The following RNF5 variants were observed in gnomAD, a reference collection of about 807,000 sequenced individuals.
RNF5 encodes ring finger protein 5.
A neutral mutation model predicts 24.4 loss-of-function variants in RNF5; 16 were observed. That is an observed-to-expected ratio of 0.66 (90% CI 0.44 to 1.00). RNF5 has a LOEUF of 1.00. Ranked by LOEUF, RNF5 falls within the 50% of genes least tolerant of loss-of-function variation. The pLI is 0.00. For synonymous variants in RNF5, 64 were observed against 88.5 expected (o/e 0.72, Z 1.55); for missense variants, 185 against 236.7 (o/e 0.78, Z 1.43).
Position 32,179,985 on chromosome 6 carries a change from G to T in RNF5, c.328-24G>T, listed in dbSNP as rs756010995. On this transcript the variant is annotated intron_variant, in intron 4 of 5. Transcript: ENST00000375094. The surrounding 1 kb of genome is among the most constrained non-coding windows in gnomAD (Gnocchi z 5.4). ...TCCTTGACAGATTTGCCGGCTTCCT[G>T]TCTGACTTTTTCTGCCTCCCTAGGG... The T allele has an allele frequency of 1.2e-6, 2 of 1,614,022 alleles. No homozygotes were observed. Among genetic ancestry groups the T allele is most frequent in the African/African-American group, 2.7e-5 (2 of 74,926 alleles).
chr6:32,178,652 G>C lies in RNF5; in HGVS notation c.140+1G>C, dbSNP rs1785808468. The C allele has an allele frequency of 1.2e-6, 2 of 1,610,326 alleles. No homozygotes were observed. Among genetic ancestry groups the C allele is most frequent in the South Asian group, 1.1e-5 (1 of 91,026 alleles). On this transcript the variant is annotated splice_donor_variant, in intron 1 of 5. Transcript: ENST00000375094. LOFTEE classifies it high-confidence loss of function. ...TCAGTGTGTGTGGCCACCTGTACTGGTGAGAATCGAGGAGGGGGGCGGGAG... is the reference window on the plus strand; with the variant it reads ...TCAGTGTGTGTGGCCACCTGTACTGCTGAGAATCGAGGAGGGGGGCGGGAG...
In RNF5 at chr6:32,179,467, C is replaced by A. The variant is rs1415743946; in HGVS notation, c.141-74C>A. 2.5e-6 allele frequency: 4 copies of A among 1,584,374 alleles called. No homozygotes were observed. In the Admixed American group the frequency reaches 5.1e-5, roughly 20 times the overall value. On this transcript the variant is annotated intron_variant, in intron 1 of 5. Transcript: ENST00000375094. This position sits in a 1 kb window ranked among gnomAD's most constrained non-coding sequence, Gnocchi z 5.4. ...TTGGGAAGAGGGGTTAGATGGGATT[C>A]TGCGAAGTCTAGGGTCTGTGTCTCT...
Position 32,179,140 on chromosome 6 carries a change from T to G in RNF5, c.141-401T>G, listed in dbSNP as rs1334552885. Reference sequence around the variant, plus strand: ...ATAAAGATAGGGACATTATTGAGCTTGAAAGTGAGTAATGGGGGAATGTGC... The same window carrying G: ...ATAAAGATAGGGACATTATTGAGCTGGAAAGTGAGTAATGGGGGAATGTGC... On this transcript the variant is annotated intron_variant, in intron 1 of 5. Coordinates refer to ENST00000375094, the MANE Select transcript of RNF5 (RefSeq NM_006913.4). This position sits in a 1 kb window ranked among gnomAD's most constrained non-coding sequence, Gnocchi z 5.4. 2.0e-5 allele frequency among the ~76,000 whole-genome samples: 3 copies of G among 151,860 alleles called. No individual in the cohort carries two copies. Among genetic ancestry groups the G allele is most frequent in the African/African-American group, 7.3e-5 (3 of 41,296 alleles).
rs775742093 is a variant in RNF5 at position 32,179,539 on chromosome 6, A to G, written c.141-2A>G. 2.5e-6 allele frequency: 4 copies of G among 1,607,554 alleles called. No homozygotes were observed. The highest frequency in any genetic ancestry group is 1.4e-5 in the African/African-American group (1 of 72,896). On this transcript the variant is annotated splice_acceptor_variant, in intron 1 of 5. Coordinates refer to ENST00000375094, the MANE Select transcript of RNF5 (RefSeq NM_006913.4). LOFTEE classifies it high-confidence loss of function. The surrounding 1 kb of genome is among the most constrained non-coding windows in gnomAD (Gnocchi z 5.4). ...CTTTTTTTTTTTTTCTCCCCCATCC[A>G]GTTGGCCATGTCTTCATCAGGTGCG...
Position 32,179,836 on chromosome 6 carries a change from G to A in RNF5, c.273-41G>A. 3 of 1,613,598 alleles carry A rather than the reference G, an allele frequency of 1.9e-6. No individual in the cohort carries two copies. The East Asian group carries it at 6.7e-5, about 36-fold the overall frequency. ...TTGGAAAACGGTGTGGAAGATGGGA[G>A]GAGAAAAATCCCTGTTAACTTTCTC... is the stretch of plus-strand genomic sequence containing the variant. On this transcript the variant is annotated intron_variant, in intron 3 of 5. Transcript: ENST00000375094. This position sits in a 1 kb window ranked among gnomAD's most constrained non-coding sequence, Gnocchi z 5.4.
intron 1 of RNF5, among the ~76,000 whole-genome samples, chr6:32,178,995 G>C (rs1325739542): frequency 2.0e-5 from 3 of 152,144 alleles, no homozygotes; most frequent in Non-Finnish European, 4.4e-5. Context: ...AAAGGTTAAG[G>C]GAGGCACGCA....
At position 32,178,430 on chromosome 6, in the gene RNF5, G is replaced by C. The variant is rs1252371768; in HGVS notation, c.-82G>C. ...GAAGCCTGCCCAACGATCGTGGGCA[G>C]GAGGTGGTTTCTGGTTTGTTGGGGC... On this transcript the variant is annotated 5_prime_UTR_variant, in exon 1 of 6. Transcript: ENST00000375094. 2.5e-6 allele frequency: 3 copies of C among 1,188,206 alleles called. No individual in the cohort carries two copies. The highest frequency in any genetic ancestry group is 3.5e-6 in the Non-Finnish European group (3 of 861,300). 73.6% of individuals were successfully genotyped at this position (1,188,206 alleles called of 1,614,324 possible).
At position 32,179,938 on chromosome 6, in the gene RNF5, C is replaced by G. The variant is rs1380482751; in HGVS notation, c.327+7C>G. The G allele has an allele frequency of 1.2e-6, 2 of 1,614,088 alleles. No homozygotes were observed. Among genetic ancestry groups the G allele is most frequent in the African/African-American group, 2.7e-5 (2 of 74,928 alleles). On this transcript the variant is annotated splice_region_variant and intron_variant, in intron 4 of 5. Coordinates refer to ENST00000375094, the MANE Select transcript of RNF5 (RefSeq NM_006913.4). This position sits in a 1 kb window ranked among gnomAD's most constrained non-coding sequence, Gnocchi z 5.4. The stretch of plus-strand genomic sequence containing the variant: ...AGCTCCGGAGAGCAGAGGGGTGAGT[C>G]TTCTTGTCCAGTTGTGTCCCTTCCT...
In RNF5 at chr6:32,179,529, T is replaced by A; in HGVS notation, c.141-12T>A. 1 of 1,611,384 alleles carries A rather than the reference T, an allele frequency of 6.2e-7. No homozygotes were observed. Among genetic ancestry groups the A allele is most frequent in the Non-Finnish European group, 8.5e-7 (1 of 1,178,652 alleles). On this transcript the variant is annotated splice_polypyrimidine_tract_variant and intron_variant, in intron 1 of 5. Coordinates refer to ENST00000375094, the MANE Select transcript of RNF5 (RefSeq NM_006913.4). This position sits in a 1 kb window ranked among gnomAD's most constrained non-coding sequence, Gnocchi z 5.4. ...CTAGTTTGACCTTTTTTTTTTTTTC[T>A]CCCCCATCCAGTTGGCCATGTCTTC... is the stretch of plus-strand genomic sequence containing the variant.
Position 32,179,751 on chromosome 6 carries a change from C to T in RNF5, c.260C>T (p.Pro87Leu). 4 of 1,613,984 alleles carry T rather than the reference C, an allele frequency of 2.5e-6. No individual in the cohort carries two copies. The highest frequency in any genetic ancestry group is 3.4e-6 in the Non-Finnish European group (4 of 1,179,900). The change falls in exon 3 of 6, where the codon CCC (proline) becomes CTC (leucine). Residue 87 changes from proline (P) to leucine (L), a missense_variant. Transcript: ENST00000375094. This position sits in a 1 kb window ranked among gnomAD's most constrained non-coding sequence, Gnocchi z 5.4. ...VPLYGRGSQK[P>L]QDPRLKTPPR... The stretch of plus-strand genomic sequence containing the variant: ...CTTTATGGGCGAGGGAGCCAGAAGC[C>T]CCAGGATCCCAGGTGAGAGACTGGA...
At position 32,180,215 on chromosome 6, in the gene RNF5, C is replaced by T. The variant is rs375190667; in HGVS notation, c.446-14C>T. The T allele has an allele frequency of 3.4e-5, 55 of 1,612,320 alleles. No individual in the cohort carries two copies. The African/African-American group carries it at 6.1e-4, about 18-fold the overall frequency. ...TAGGAGCATATGCTTCCACAGCTTT[C>T]CTCTCTCCCACAGGTGTGGATCTGG... On this transcript the variant is annotated splice_polypyrimidine_tract_variant and intron_variant, in intron 5 of 5. Coordinates refer to ENST00000375094, the MANE Select transcript of RNF5 (RefSeq NM_006913.4).
rs2127429898 is a variant in RNF5, at chr6:32,179,844, A to T, written c.273-33A>T. 1 of 1,613,864 alleles carries T rather than the reference A, an allele frequency of 6.2e-7. No individual in the cohort carries two copies. The highest frequency in any genetic ancestry group is 8.5e-7 in the Non-Finnish European group (1 of 1,179,870). Reference sequence around the variant, plus strand: ...CGGTGTGGAAGATGGGAGGAGAAAAATCCCTGTTAACTTTCTCTCTCCACT... The same window carrying T: ...CGGTGTGGAAGATGGGAGGAGAAAATTCCCTGTTAACTTTCTCTCTCCACT... On this transcript the variant is annotated intron_variant, in intron 3 of 5. Coordinates refer to ENST00000375094, the MANE Select transcript of RNF5 (RefSeq NM_006913.4). The surrounding 1 kb of genome is among the most constrained non-coding windows in gnomAD (Gnocchi z 5.4).
At chr6:32,178,810 G>C (rs1399893313) in intron 1 of RNF5, among the ~76,000 whole-genome samples, 159 bp downstream of exon 1, 1 of 152,174 alleles carries the variant, frequency 6.6e-6, no homozygotes, top group Non-Finnish European at 1.5e-5. Context: ...GTGTGGGTGG[G>C]AGTATAACGG....
In RNF5 at chr6:32,179,760, C is replaced by G; in HGVS notation, c.269C>G (p.Pro90Arg). 1 of 1,613,950 alleles carries G rather than the reference C, an allele frequency of 6.2e-7. No individual in the cohort carries two copies. Among genetic ancestry groups the G allele is most frequent in the South Asian group, 1.1e-5 (1 of 91,090 alleles). The change falls in exon 3 of 6, where the codon CCC becomes CGC. Residue 90 changes from proline (P) to arginine (R), a missense_variant. Transcript: ENST00000375094. The surrounding 1 kb of genome is among the most constrained non-coding windows in gnomAD (Gnocchi z 5.4). ...YGRGSQKPQDPRLKTPPRPQG... is the reference protein window; with the variant it reads ...YGRGSQKPQDRRLKTPPRPQG... ...CGAGGGAGCCAGAAGCCCCAGGATC[C>G]CAGGTGAGAGACTGGAGGTGTTGCT...
At chr6:32,180,197 A>T (rs759497584) in intron 5 of RNF5, 32 bp from the exon 6 acceptor site, 3 of 1,611,404 alleles carry the variant, frequency 1.9e-6, no homozygotes, top group East Asian at 4.5e-5. Context: ...GCCTAGGAGC[A>T]TATGCTTCCA....
Position 32,178,637 on chromosome 6 carries a change from T to C in RNF5, c.126T>C (p.Cys42=), listed in dbSNP as rs1785806307. 1.2e-6 allele frequency: 2 copies of C among 1,608,804 alleles called. No individual in the cohort carries two copies. The highest frequency in any genetic ancestry group is 2.7e-5 in the African/African-American group (2 of 74,630). The part of the protein sequence containing the change: ...ETAREAVVSV[C]GHLYCWPCLH... ...CTCGGGAAGCTGTGGTCAGTGTGTG[T>C]GGCCACCTGTACTGGTGAGAATCGA... Residue 42 remains cysteine (C), a synonymous_variant, in exon 1 of 6, where the codon TGT becomes TGC. Coordinates refer to ENST00000375094, the MANE Select transcript of RNF5 (RefSeq NM_006913.4).
Position 32,179,918 on chromosome 6 carries a change from C to G in RNF5, c.314C>G (p.Pro105Arg), listed in dbSNP as rs200253127. The G allele has an allele frequency of 6.2e-7, 1 of 1,614,086 alleles. No homozygotes were observed. Among genetic ancestry groups the G allele is most frequent in the Admixed American group, 1.7e-5 (1 of 60,006 alleles). ...PPRPQGQRPA[P>R]ESRGGFQPFG... ...CGCCCCCAGGGCCAGAGACCAGCTC[C>G]GGAGAGCAGAGGGGTGAGTCTTCTT... Residue 105 changes from proline to arginine, a missense_variant, in exon 4 of 6, where the codon CCG becomes CGG. Coordinates refer to ENST00000375094, the MANE Select transcript of RNF5 (RefSeq NM_006913.4). This position sits in a 1 kb window ranked among gnomAD's most constrained non-coding sequence, Gnocchi z 5.4.
rs1334937359 is a variant in RNF5, at chr6:32,179,740, G to A, written c.249G>A (p.Gly83=). 6.2e-7 allele frequency: 1 copy of A among 1,614,160 alleles called. No individual in the cohort carries two copies. The change falls in exon 3 of 6, where the codon GGG becomes GGA. Residue 83 remains glycine (G), a synonymous_variant. Coordinates refer to ENST00000375094, the MANE Select transcript of RNF5 (RefSeq NM_006913.4). This position sits in a 1 kb window ranked among gnomAD's most constrained non-coding sequence, Gnocchi z 5.4. ...REKVVPLYGR[G]SQKPQDPRLK... ...AGGTTGTCCCGCTTTATGGGCGAGG[G>A]AGCCAGAAGCCCCAGGATCCCAGGT...
In RNF5 at chr6:32,179,612, A is replaced by G. The variant is rs1302201473; in HGVS notation, c.160-39A>G. ...ATGGGGAGGTCTGAGGAGCTGTAAG[A>G]CCCTCTTGTATACTGGAAACCACCT... On this transcript the variant is annotated intron_variant, in intron 2 of 5. Coordinates refer to ENST00000375094, the MANE Select transcript of RNF5 (RefSeq NM_006913.4). This position sits in a 1 kb window ranked among gnomAD's most constrained non-coding sequence, Gnocchi z 5.4. 1.2e-6 allele frequency: 2 copies of G among 1,613,046 alleles called. No homozygotes were observed. The highest frequency in any genetic ancestry group is 2.2e-5 in the South Asian group (2 of 91,058).
Sources: gnomAD v4.1 joint callset for allele counts (sites outside exome capture counted in the v4.1 genomes callset) on GRCh38, gnomAD v4.1.1 for gene constraint, Gnocchi (gnomAD v3.1) non-coding constraint, MANE v1.5 for transcripts, NCBI Gene and HGNC (gene_info 2026-07-23, HGNC 2026-07-21) for gene names.